The following RLN3 variants were observed in gnomAD, a reference collection of about 807,000 sequenced individuals.
RLN3 encodes relaxin-3.
In RLN3, 13 loss-of-function variants were observed where a neutral mutation model predicts 10.2. The ratio of observed to expected loss-of-function variants is 1.28; its 90% CI spans 0.83 to 2.03. The LOEUF is 2.03. Among genes scored for constraint, RLN3 ranks in the 30% most tolerant of loss-of-function variants. The pLI is 0.00. For synonymous variants in RLN3, 56 were observed against 79.2 expected (o/e 0.71, Z 1.56); for missense variants, 191 against 187.2 (o/e 1.02, Z -0.12).
At chr19:14,030,580 G>C (rs1024454985) in intron 1 of RLN3, 130 bp from the exon 2 acceptor site, 17 of 867,284 alleles carry the variant, frequency 2.0e-5, no homozygotes, top group African/African-American at 4.9e-5. Flanking sequence ...ACCCAGGACT[G>C]GGTGGAATAA....
At chr19:14,030,063 C>T (rs1046727934) in intron 1 of RLN3, among the ~76,000 whole-genome samples, 1 of 151,852 alleles carries the variant, frequency 6.6e-6, no homozygotes, top group Non-Finnish European at 1.5e-5. Flanking sequence ...TTCTGGTGAT[C>T]CTCCAGCATG....
At chr19:14,028,933 C>G (rs1191658869) in intron 1 of RLN3, among the ~76,000 whole-genome samples, 1 of 152,032 alleles carries the variant, frequency 6.6e-6, no homozygotes, top group African/African-American at 2.4e-5. Context: ...TGACACCATG[C>G]CTGGCTAGTT....
intron 1 of RLN3, among the ~76,000 whole-genome samples, chr19:14,029,926 C>G (rs887055423): frequency 6.6e-6 from 1 of 151,712 alleles, no homozygotes; most frequent in Admixed American, 6.6e-5. Flanking sequence ...CTCTTGGGCT[C>G]AAGCAATTCT....
rs757245193 is a variant in RLN3 at position 14,030,815 on chromosome 19, C to G, written c.296C>G (p.Ala99Gly). ...CTGGCCCTGACCAAGTCACCCCAGG[C>G]CTTTTACAGGGGGCGACCCAGCTGG... The part of the protein sequence containing the change: ...EWLALTKSPQ[A>G]FYRGRPSWQG... The change falls in exon 2 of 2, where the codon GCC becomes GGC. Residue 99 changes from alanine (A) to glycine (G), a missense_variant. Transcript: ENST00000431365. 1.9e-6 allele frequency: 3 copies of G among 1,614,012 alleles called. No individual in the cohort carries two copies. Among genetic ancestry groups the G allele is most frequent in the Non-Finnish European group, 2.5e-6 (3 of 1,179,994 alleles).
chr19:14,031,037 G>C lies in RLN3; in HGVS notation c.*89G>C, dbSNP rs1732404271. 4 of 910,920 alleles carry C rather than the reference G, an allele frequency of 4.4e-6. No individual in the cohort carries two copies. Among genetic ancestry groups the C allele is most frequent in the Non-Finnish European group, 6.8e-6 (4 of 585,278 alleles). The allele number at this position is 910,920 out of a possible 1,614,324, so 56.4% of individuals were successfully genotyped here. A position where few individuals can be genotyped will look rare whatever the true frequency, so the allele number is the denominator to read the frequency against. Reference sequence around the variant, plus strand: ...GTGTCTGGCTGGGCACCTGTCTTTCGAGCCTCACACATTCATTCATTCATC... The same window carrying C: ...GTGTCTGGCTGGGCACCTGTCTTTCCAGCCTCACACATTCATTCATTCATC... On this transcript the variant is annotated 3_prime_UTR_variant, in exon 2 of 2. Transcript: ENST00000431365.
Position 14,031,281 on chromosome 19 carries a change from C to G in RLN3, c.*333C>G, listed in dbSNP as rs969029993. ...CCACTGCCACAACTGGGTCCCTACT[C>G]TACCTAGGCTGGCCACACAGAGACC... On this transcript the variant is annotated 3_prime_UTR_variant, in exon 2 of 2. Transcript: ENST00000431365. The G allele has an allele frequency of 6.9e-6, 2 of 288,954 alleles. No individual in the cohort carries two copies. Among genetic ancestry groups the G allele is most frequent in the Admixed American group, 9.6e-5 (2 of 20,882 alleles). 17.9% of individuals were successfully genotyped at this position (288,954 alleles called of 1,614,324 possible).
Position 14,030,963 on chromosome 19 carries a change from A to T in RLN3, c.*15A>T. Reference sequence around the variant, plus strand: ...GCCTTTGCTAGTTTGAGGGCTGGGCAGCCGTGGGCACCAGGACCAATGCCC... The same window carrying T: ...GCCTTTGCTAGTTTGAGGGCTGGGCTGCCGTGGGCACCAGGACCAATGCCC... On this transcript the variant is annotated 3_prime_UTR_variant, in exon 2 of 2. Transcript: ENST00000431365. 3.3e-6 allele frequency: 5 copies of T among 1,522,166 alleles called. No homozygotes were observed. The highest frequency in any genetic ancestry group is 4.4e-6 in the Non-Finnish European group (5 of 1,125,814). 94.3% of individuals were successfully genotyped at this position (1,522,166 alleles called of 1,614,324 possible).
intron 1 of RLN3, 82 bp from the exon 2 acceptor site, chr19:14,030,628 C>T (rs1975786398): frequency 8.6e-7 from 1 of 1,166,780 alleles, no homozygotes; most frequent in Middle Eastern, 1.9e-4. Flanking sequence ...GTCACAAGAT[C>T]AGAGCTAGAC....
In RLN3 at chr19:14,031,112, C is replaced by T. The variant is rs1166953252; in HGVS notation, c.*164C>T. On this transcript the variant is annotated 3_prime_UTR_variant, in exon 2 of 2. Transcript: ENST00000431365. ...CTCAGGCACAGTCTCCCGACACCAC[C>T]TATCCAACCCTGCCCTTTGACCAGC... The T allele has an allele frequency of 4.9e-6, 3 of 609,072 alleles. No individual in the cohort carries two copies. The highest frequency in any genetic ancestry group is 2.8e-5 in the East Asian group (1 of 36,118). 37.7% of individuals were successfully genotyped at this position (609,072 alleles called of 1,614,324 possible). A position where few individuals can be genotyped will look rare whatever the true frequency, so the allele number is the denominator to read the frequency against.
In RLN3 at chr19:14,031,409, C is replaced by T. The variant is rs1373279220; in HGVS notation, c.*461C>T. The T allele has an allele frequency of 9.3e-6, 2 of 215,910 alleles. No individual in the cohort carries two copies. Among genetic ancestry groups the T allele is most frequent in the African/African-American group, 4.7e-5 (2 of 42,774 alleles). The allele number at this position is 215,910 out of a possible 1,614,324, so 13.4% of individuals were successfully genotyped here. A position where few individuals can be genotyped will look rare whatever the true frequency, so the allele number is the denominator to read the frequency against. ...TTGCACGCACGCTTCCTTTGCCCTG[C>T]TTTCCATCCCCTCTCCCTCCAACTC... On this transcript the variant is annotated 3_prime_UTR_variant, in exon 2 of 2. Coordinates refer to ENST00000431365, the MANE Select transcript of RLN3 (RefSeq NM_080864.4).
intron 1 of RLN3, among the ~76,000 whole-genome samples, chr19:14,029,355 A>ATT (rs60592967): frequency 1.0e-4 from 15 of 143,216 alleles, no homozygotes; most frequent in African/African-American, 2.8e-4. Flanking sequence ...ATGTGCTACT[A>ATT]TTTTTTTTTT....
At chr19:14,030,211 A>C (rs1449405115) in intron 1 of RLN3, 1 of 692,520 alleles carries the variant, frequency 1.4e-6, no homozygotes, top group African/African-American at 1.8e-5. Flanking sequence ...AAAACTTGAG[A>C]AGGTTGGAGT....
Position 14,028,393 on chromosome 19 carries a change from G to A in RLN3, c.189G>A (p.Met63Ile). The change falls in exon 1 of 2, where the codon ATG becomes ATA. Residue 63 changes from methionine (M) to isoleucine (I), a missense_variant and splice_region_variant. By Grantham distance (10) the Met-to-Ile change is conservative (BLOSUM62 1). Coordinates refer to ENST00000431365, the MANE Select transcript of RLN3 (RefSeq NM_080864.4). ...CAGACATCCTGGCCCACGAGGCTAT[G>A]GGTGAGGCTGGGGAGAGAGTGGATG... ...RRSDILAHEA[M>I]GDTFPDADAD... is the part of the protein sequence containing the mutation. The A allele has an allele frequency of 6.2e-7, 1 of 1,608,304 alleles. No homozygotes were observed. The highest frequency in any genetic ancestry group is 8.5e-7 in the Non-Finnish European group (1 of 1,177,022).
In RLN3 at chr19:14,028,372, C is replaced by T. The variant is rs1435111304; in HGVS notation, c.168C>T (p.Asp56=). 3 of 1,611,716 alleles carry T rather than the reference C, an allele frequency of 1.9e-6. No homozygotes were observed. Among genetic ancestry groups the T allele is most frequent in the Non-Finnish European group, 2.5e-6 (3 of 1,178,948 alleles). ...TCGGSRWRRS[D]ILAHEAMGDT... is the part of the protein sequence containing the mutation. Reference sequence around the variant, plus strand: ...GGGGCTCCCGGTGGAGACGATCAGACATCCTGGCCCACGAGGCTATGGGTG... The same window carrying T: ...GGGGCTCCCGGTGGAGACGATCAGATATCCTGGCCCACGAGGCTATGGGTG... Residue 56 remains aspartate (D), a synonymous_variant, in exon 1 of 2, where the codon GAC becomes GAT. Transcript: ENST00000431365.
chr19:14,028,527 T>C, intron 1 of RLN3, 133 bp downstream of exon 1: 1 of 731,070 alleles, frequency 1.4e-6, no homozygotes. Context: ...CAGGGACACC[T>C]GCCCAGCCTT....
intron 1 of RLN3, among the ~76,000 whole-genome samples, chr19:14,029,145 C>G (rs1375866425): frequency 6.6e-6 from 1 of 151,920 alleles, no homozygotes; most frequent in African/African-American, 2.4e-5. Context: ...CAGATTAGGG[C>G]AGAGTCTCAG....
intron 1 of RLN3, 85 bp from the exon 2 acceptor site, chr19:14,030,625 G>T (rs1975786340): frequency 8.7e-7 from 1 of 1,152,080 alleles, no homozygotes; most frequent in Non-Finnish European, 1.3e-6. Flanking sequence ...GTTGTCACAA[G>T]ATCAGAGCTA....
At chr19:14,030,678 C>A in intron 1 of RLN3, 32 bp from the exon 2 acceptor site, 1 of 1,573,642 alleles carries the variant, frequency 6.4e-7, no homozygotes, top group Non-Finnish European at 8.7e-7. Flanking sequence ...AGCAGCTGAG[C>A]CCTGATCACT....
chr19:14,030,895 A>G lies in RLN3; in HGVS notation c.376A>G (p.Ser126Gly), dbSNP rs1975794646. Residue 126 changes from serine (S) to glycine (G), a missense_variant, in exon 2 of 2, where the codon AGC becomes GGC. By Grantham distance (56) the Ser-to-Gly change is moderately conservative. Coordinates refer to ENST00000431365, the MANE Select transcript of RLN3 (RefSeq NM_080864.4). The stretch of plus-strand genomic sequence containing the variant: ...CCGAGATGTCCTGGCTGGCCTTTCC[A>G]GCAGCTGCTGCAAGTGGGGGTGTAG... ...GSRDVLAGLS[S>G]SCCKWGCSKS... 6.3e-7 allele frequency: 1 copy of G among 1,599,054 alleles called. No individual in the cohort carries two copies. Among genetic ancestry groups the G allele is most frequent in the Non-Finnish European group, 8.5e-7 (1 of 1,170,870 alleles).
Sources: gnomAD v4.1 joint callset for allele counts (sites outside exome capture counted in the v4.1 genomes callset) on GRCh38, gnomAD v4.1.1 for gene constraint, MANE v1.5 for transcripts, NCBI Gene and HGNC (gene_info 2026-07-23, HGNC 2026-07-21) for gene names.